NKAIN3: variants seen among roughly 807,000 people sequenced by gnomAD.
NKAIN3 encodes the protein sodium/potassium-transporting ATPase subunit beta-1-interacting protein 3.
In NKAIN3, 25 loss-of-function variants were observed where a neutral mutation model predicts 30.2. The ratio of observed to expected loss-of-function variants is 0.83; its 90% CI spans 0.60 to 1.16. The LOEUF (loss-of-function observed/expected upper bound fraction) is 1.16, where lower values mean the gene tolerates loss of function less well. Ranked by LOEUF, NKAIN3 falls within the 50% of genes most tolerant of loss-of-function variation. The pLI, the probability that NKAIN3 is intolerant of heterozygous loss-of-function variation, is 0.00. For synonymous variants in NKAIN3, 91 were observed against 89.6 expected, an observed-to-expected ratio of 1.02 and a Z score of -0.09; for missense variants, 225 against 254.1, an observed-to-expected ratio of 0.89 and a Z score of 0.78.
rs117981224 is a variant in NKAIN3, at chr8:62,480,509, T to G, written c.55-99030T>G. On this transcript the variant is annotated intron_variant, in intron 1 of 6. Transcript: ENST00000623646. ...TAATGAAGTAACTAACTTGGCTAGT[T>G]AGGAAGGAAGCAATGTTTGGATTAA... Among the ~76,000 whole-genome samples, 1,138 of 147,074 alleles carry G rather than the reference T, an allele frequency of 7.7e-3. 8 individuals are homozygous for G. Among genetic ancestry groups the G allele is most frequent in the Non-Finnish European group, 0.012 (799 of 67,334 alleles).
At chr8:62,505,677 C>T (rs1033885853) in intron 1 of NKAIN3, among the ~76,000 whole-genome samples, 2 of 152,030 alleles carry the variant, frequency 1.3e-5, no homozygotes, top group Admixed American at 6.5e-5. Flanking sequence ...GATCCATATC[C>T]AGTAGTATCA....
intron 1 of NKAIN3, among the ~76,000 whole-genome samples, chr8:62,464,160 T>C (rs4738975): frequency 0.18 from 27,896 of 152,142 alleles, 2,680 homozygotes; most frequent in African/African-American, 0.21. Context: ...GTGAGGAGTA[T>C]GTGGGAATTC....
chr8:62,996,925 T>A (rs1804130139), intron 5 of NKAIN3, among the ~76,000 whole-genome samples: 1 of 152,108 alleles, frequency 6.6e-6, no homozygotes, highest in African/African-American at 2.4e-5. Context: ...TTTCACAGGC[T>A]GGTGTGGAGT....
intron 3 of NKAIN3, among the ~76,000 whole-genome samples, chr8:62,738,415 C>G (rs1353366562): frequency 6.6e-6 from 1 of 152,022 alleles, no homozygotes; most frequent in Non-Finnish European, 1.5e-5. Flanking sequence ...GACTGGCCAA[C>G]ATGGTGAAAC....
intron 3 of NKAIN3, among the ~76,000 whole-genome samples, chr8:62,695,093 C>A (rs6472043): frequency 2.0e-5 from 3 of 152,046 alleles, no homozygotes; most frequent in African/African-American, 7.3e-5. Flanking sequence ...TTTTCTAATC[C>A]TCTCACCTTA....
At chr8:62,465,141 T>C (rs1176350674) in intron 1 of NKAIN3, among the ~76,000 whole-genome samples, 1 of 152,222 alleles carries the variant, frequency 6.6e-6, no homozygotes, top group Non-Finnish European at 1.5e-5. Flanking sequence ...AAGAGATTGC[T>C]TAACTCAATA....
chr8:62,353,285 T>C (rs1221186484), intron 1 of NKAIN3, among the ~76,000 whole-genome samples: 1 of 152,248 alleles, frequency 6.6e-6, no homozygotes, highest in African/African-American at 2.4e-5. Flanking sequence ...TGTACATTCT[T>C]AGTAAGAAAT....
At chr8:62,676,806 C>G (rs1377181105) in intron 3 of NKAIN3, among the ~76,000 whole-genome samples, 4 of 151,580 alleles carry the variant, frequency 2.6e-5, no homozygotes, top group Admixed American at 6.6e-5. Flanking sequence ...CTCCGATTTC[C>G]AGGCTCCAGT....
At chr8:62,950,860 C>G (rs1468938513) in intron 5 of NKAIN3, among the ~76,000 whole-genome samples, 2 of 149,644 alleles carry the variant, frequency 1.3e-5, no homozygotes, top group Admixed American at 6.7e-5. Context: ...TTAGGCAAAT[C>G]TAGAATGGCC....
Position 62,883,457 on chromosome 8 carries a change from G to GTTGTTGTTTTTTTTTTTTTTTTTTTTTTT in NKAIN3, c.472-34994_472-34993insGTTGTTTTTTTTTTTTTTTTTTTTTTTTT. Among the ~76,000 whole-genome samples, 7 of 70,226 alleles carry GTTGTTGTTTTTTTTTTTTTTTTTTTTTTT rather than the reference G, an allele frequency of 1.0e-4. 1 individual carries two copies. Among genetic ancestry groups the GTTGTTGTTTTTTTTTTTTTTTTTTTTTTT allele is most frequent in the African/African-American group, 2.8e-4 (4 of 14,284 alleles). The allele number at this position is 70,226 out of a possible 152,430, so 46.1% of individuals were successfully genotyped here. On this transcript the variant is annotated intron_variant, in intron 4 of 6. Coordinates refer to ENST00000623646, the MANE Select transcript of NKAIN3 (RefSeq NM_001304533.3). ...TTTATTATTTCCAGGAGTTTTATGG[G>GTTGTTGTTTTTTTTTTTTTTTTTTTTTTT]TTTTTTTTTTTTTTTTCAGATTTTC...
chr8:62,438,958 T>C (rs761224186), intron 1 of NKAIN3, among the ~76,000 whole-genome samples: 9 of 152,136 alleles, frequency 5.9e-5, no homozygotes, highest in Non-Finnish European at 1.3e-4. Context: ...GCAATGCTGG[T>C]GTTGGGAAAC....
chr8:62,406,802 C>T (rs549227557), intron 1 of NKAIN3, among the ~76,000 whole-genome samples: 1 of 152,240 alleles, frequency 6.6e-6, no homozygotes, highest in South Asian at 2.1e-4. Context: ...TTGAATTTTT[C>T]TCAAATTCTT....
intron 1 of NKAIN3, among the ~76,000 whole-genome samples, chr8:62,492,800 G>C (rs1437708352): frequency 6.6e-6 from 1 of 152,098 alleles, no homozygotes; most frequent in Non-Finnish European, 1.5e-5. Flanking sequence ...GCTCGGTCCA[G>C]TGGTAGTTCT....
At chr8:62,695,869 A>T (rs540434403) in intron 3 of NKAIN3, among the ~76,000 whole-genome samples, 2 of 152,270 alleles carry the variant, frequency 1.3e-5, no homozygotes, top group South Asian at 4.1e-4. Context: ...CTTCTCTCAC[A>T]TTGGAGAGCA....
chr8:62,924,303 A>G (rs1310663772), intron 5 of NKAIN3, among the ~76,000 whole-genome samples: 1 of 152,210 alleles, frequency 6.6e-6, no homozygotes, highest in Non-Finnish European at 1.5e-5. Context: ...AGTTGAAGAT[A>G]CGGATGATAT....
chr8:62,577,071 C>T (rs1810134777), intron 1 of NKAIN3, among the ~76,000 whole-genome samples: 1 of 152,042 alleles, frequency 6.6e-6, no homozygotes, highest in African/African-American at 2.4e-5. Context: ...TTTTTAGTTA[C>T]CTTTTCAAAT....
At chr8:62,765,618 T>C (rs1203941756) in intron 4 of NKAIN3, among the ~76,000 whole-genome samples, 2 of 152,330 alleles carry the variant, frequency 1.3e-5, no homozygotes, top group South Asian at 2.1e-4. Flanking sequence ...TACCTTTTTA[T>C]ATAAGAAGTT....
intron 1 of NKAIN3, among the ~76,000 whole-genome samples, chr8:62,314,363 A>T (rs1037932074): frequency 6.6e-6 from 1 of 152,178 alleles, no homozygotes; most frequent in African/African-American, 2.4e-5. Flanking sequence ...CTGGAGTGCC[A>T]TTGTCCAAAA....
At chr8:62,910,451 C>T (rs1821897080) in intron 4 of NKAIN3, among the ~76,000 whole-genome samples, 1 of 152,058 alleles carries the variant, frequency 6.6e-6, no homozygotes, top group Non-Finnish European at 1.5e-5. Context: ...GACTAAAAAG[C>T]TTGCATTTAT....
Sources: gnomAD v4.1 joint callset for allele counts (sites outside exome capture counted in the v4.1 genomes callset) on GRCh38, gnomAD v4.1.1 for gene constraint, MANE v1.5 for transcripts, NCBI Gene and HGNC (gene_info 2026-07-23, HGNC 2026-07-21) for gene names.